SGK3: variants seen among roughly 807,000 people sequenced by gnomAD.
The protein encoded by SGK3 is serine/threonine-protein kinase Sgk3.
In SGK3, 47 loss-of-function variants were observed where a neutral mutation model predicts 68.5. The ratio of observed to expected loss-of-function variants is 0.69; its 90% CI spans 0.54 to 0.87. SGK3 has a LOEUF of 0.87. Among genes scored for constraint, SGK3 ranks in the 40% least tolerant of loss-of-function variants. SGK3 has a pLI of 0.00. For synonymous variants in SGK3, 181 were observed against 189.1 expected, an observed-to-expected ratio of 0.96 and a Z score of 0.35; for missense variants, 479 against 575.5, an observed-to-expected ratio of 0.83 and a Z score of 1.72.
chr8:66,769,115 T>TA (rs1359951927), intron 1 of SGK3, among the ~76,000 whole-genome samples: 2 of 152,234 alleles, frequency 1.3e-5, no homozygotes, highest in African/African-American at 4.8e-5. Flanking sequence ...TCTACAAATG[T>TA]ATTTTCCTAT....
intron 1 of SGK3, chr8:66,767,486 A>G (rs1285998048): frequency 8.7e-6 from 13 of 1,497,960 alleles, no homozygotes; most frequent in South Asian, 3.4e-5. Context: ...TTGGATTTCC[A>G]TGGTGGAGAG....
intron 1 of SGK3, among the ~76,000 whole-genome samples, chr8:66,761,025 A>T (rs1806150353): frequency 6.6e-6 from 1 of 152,148 alleles, no homozygotes; most frequent in Non-Finnish European, 1.5e-5. Flanking sequence ...CTCAAAAAAA[A>T]AAAAAAAGGA....
chr8:66,725,146 G>A (rs917640122), intron 1 of SGK3, among the ~76,000 whole-genome samples: 4 of 151,988 alleles, frequency 2.6e-5, no homozygotes, highest in African/African-American at 4.8e-5. Context: ...GGAGAATGGC[G>A]TGAACCCAGG....
rs1809510452 is a variant in SGK3 at position 66,835,948 on chromosome 8, A to G, written c.615A>G (p.Lys205=). 1 of 1,613,124 alleles carries G rather than the reference A, an allele frequency of 6.2e-7. No homozygotes were observed. The highest frequency in any genetic ancestry group is 8.5e-7 in the Non-Finnish European group (1 of 1,179,666). Residue 205 remains lysine (K), a synonymous_variant, in exon 10 of 17, where the codon AAA becomes AAG. Transcript: ENST00000521198. ...ATCTTTTGCCTTTTTTCCAGCAAAA[A>G]CATATTATGGCTGAACGTAATGTGC... ...KKIVLNRKEQ[K]HIMAERNVLL...
chr8:66,833,269 G>T (rs960939580), intron 8 of SGK3, among the ~76,000 whole-genome samples: 6 of 152,154 alleles, frequency 3.9e-5, no homozygotes, highest in Admixed American at 3.9e-4. Context: ...GCCTCCCAAA[G>T]TGCTGGGATT....
rs1563623033 is a variant in SGK3, at chr8:66,779,592, AT to A, written c.-121-14023del. 6.8e-3 allele frequency among the ~76,000 whole-genome samples: 898 copies of A among 132,042 alleles called. 9 individuals carry two copies. Among genetic ancestry groups the A allele is most frequent in the African/African-American group, 0.024 (808 of 33,892 alleles). The allele number at this position is 132,042 out of a possible 152,430, so 86.6% of individuals were successfully genotyped here. On this transcript the variant is annotated intron_variant, in intron 1 of 16. Coordinates refer to ENST00000521198, the MANE Select transcript of SGK3 (RefSeq NM_001033578.3). ...TATATATATATATATATATATATAT[AT>A]ATATATATAAAACACATTTTTTATA... is the stretch of plus-strand genomic sequence containing the variant.
chr8:66,716,457 A>C (rs1804634771), intron 1 of SGK3, among the ~76,000 whole-genome samples: 1 of 151,512 alleles, frequency 6.6e-6, no homozygotes, highest in South Asian at 2.1e-4. Context: ...GAGAAATAGT[A>C]AAGGACTTGA....
At chr8:66,797,902 GT>G (rs1385008728) in intron 2 of SGK3, among the ~76,000 whole-genome samples, 1 of 152,120 alleles carries the variant, frequency 6.6e-6, no homozygotes, top group East Asian at 1.9e-4. Flanking sequence ...GCACATGAGT[GT>G]TGACTATGTT....
At position 66,768,710 on chromosome 8, in the gene SGK3, G is replaced by A. The variant is rs190730987; in HGVS notation, c.-121-24906G>A. ...CTCCTGAGTAGCTGGAATTACTGGCGTGTGCCACCACACCCGGCTAATTTT... is the reference window on the plus strand; with the variant it reads ...CTCCTGAGTAGCTGGAATTACTGGCATGTGCCACCACACCCGGCTAATTTT... On this transcript the variant is annotated intron_variant, in intron 1 of 16. Coordinates refer to ENST00000521198, the MANE Select transcript of SGK3 (RefSeq NM_001033578.3). Among the ~76,000 whole-genome samples, 381 of 152,132 alleles carry A rather than the reference G, an allele frequency of 2.5e-3. 1 individual carries two copies. Among genetic ancestry groups the A allele is most frequent in the African/African-American group, 8.8e-3 (364 of 41,508 alleles).
chr8:66,758,744 G>A (rs920872458), intron 1 of SGK3, among the ~76,000 whole-genome samples: 22 of 151,998 alleles, frequency 1.4e-4, no homozygotes, highest in Non-Finnish European at 3.1e-4. Flanking sequence ...TCAAACTCCC[G>A]GGCTCAAGCA....
At chr8:66,789,921 T>C (rs1185256910) in intron 1 of SGK3, among the ~76,000 whole-genome samples, 1 of 151,768 alleles carries the variant, frequency 6.6e-6, no homozygotes, top group African/African-American at 2.4e-5. Context: ...CTACCAAAAA[T>C]AGAAAAATTA....
chr8:66,719,847 A>G (rs1804747667), intron 1 of SGK3, among the ~76,000 whole-genome samples: 1 of 152,270 alleles, frequency 6.6e-6, no homozygotes, highest in South Asian at 2.1e-4. Context: ...CAGTAAATCT[A>G]TCGCTCATTG....
intron 16 of SGK3, among the ~76,000 whole-genome samples, chr8:66,859,126 T>A (rs997920330): frequency 9.9e-5 from 15 of 151,662 alleles, no homozygotes; most frequent in Non-Finnish European, 1.9e-4. Context: ...AGGTCAGGAG[T>A]TCGAGACCAG....
intron 16 of SGK3, among the ~76,000 whole-genome samples, chr8:66,853,240 AC>A (rs2130753783): frequency 6.6e-6 from 1 of 152,340 alleles, no homozygotes; most frequent in Non-Finnish European, 1.5e-5. Context: ...CAAGAAAATT[AC>A]AGTTAAGGGG....
chr8:66,819,082 A>G (rs1356954232), intron 5 of SGK3, among the ~76,000 whole-genome samples: 1 of 152,220 alleles, frequency 6.6e-6, no homozygotes, highest in Non-Finnish European at 1.5e-5. Flanking sequence ...CATTTTAGCC[A>G]TTCTGGTGAG....
intron 1 of SGK3, chr8:66,790,853 C>G (rs912205972): frequency 6.6e-6 from 1 of 152,188 alleles, no homozygotes; most frequent in East Asian, 1.9e-4. Context: ...ATCATAATGT[C>G]ACTGTGTGCC....
chr8:66,779,552 A>ACG (rs1261903333), intron 1 of SGK3, among the ~76,000 whole-genome samples: 1 of 111,564 alleles, frequency 9.0e-6, no homozygotes, highest in Non-Finnish European at 1.8e-5. Flanking sequence ...ATGTATATGT[A>ACG]TGTGTGTGAA....
intron 14 of SGK3, among the ~76,000 whole-genome samples, chr8:66,845,784 C>G (rs1194658832): frequency 6.6e-6 from 1 of 151,670 alleles, no homozygotes; most frequent in East Asian, 1.9e-4. Context: ...TCTCAAACTC[C>G]TGAGCTCTAG....
intron 1 of SGK3, among the ~76,000 whole-genome samples, chr8:66,715,767 G>A (rs1381084735): frequency 6.6e-6 from 1 of 152,120 alleles, no homozygotes; most frequent in Non-Finnish European, 1.5e-5. Flanking sequence ...GTGATTTCCA[G>A]GTGGATAACC....
Sources: gnomAD v4.1 joint callset for allele counts (sites outside exome capture counted in the v4.1 genomes callset) on GRCh38, gnomAD v4.1.1 for gene constraint, MANE v1.5 for transcripts, NCBI Gene and HGNC (gene_info 2026-07-23, HGNC 2026-07-21) for gene names.